The following TEK variants were observed in gnomAD, a reference collection of about 807,000 sequenced individuals.
TEK encodes TEK receptor tyrosine kinase, also known as angiopoietin-1 receptor.
TEK carries 43 observed loss-of-function variants against 131.8 expected under a neutral mutation model. The observed-to-expected ratio is 0.33, with a 90% confidence interval of 0.26 to 0.42. The LOEUF (loss-of-function observed/expected upper bound fraction) is 0.42, where lower values mean the gene tolerates loss of function less well. Among genes scored for constraint, TEK ranks in the 10% least tolerant of loss-of-function variants. The pLI is 1.00. For synonymous variants in TEK, 580 were observed against 491.6 expected (o/e 1.18, Z -2.38); for missense variants, 1,162 against 1,384.4 (o/e 0.84, Z 2.55).
intron 11 of TEK, among the ~76,000 whole-genome samples, chr9:27,195,975 C>A (rs757614294): frequency 6.6e-6 from 1 of 152,158 alleles, no homozygotes; most frequent in African/African-American, 2.4e-5. Context: ...GTAGTCATAG[C>A]GGATACCTTG....
chr9:27,121,225 G>C (rs1821772739), intron 1 of TEK, among the ~76,000 whole-genome samples: 1 of 152,174 alleles, frequency 6.6e-6, no homozygotes, highest in Non-Finnish European at 1.5e-5. Context: ...TACTTGGGAG[G>C]CTGAGGCAGA....
intron 9 of TEK, among the ~76,000 whole-genome samples, chr9:27,186,799 A>G (rs7853398): frequency 0.31 from 46,926 of 152,044 alleles, 7,478 homozygotes; most frequent in African/African-American, 0.38. Flanking sequence ...ACTTCTATAA[A>G]TGAAATGCTG....
intron 1 of TEK, among the ~76,000 whole-genome samples, chr9:27,117,086 C>T (rs1454242788): frequency 3.3e-5 from 5 of 151,460 alleles, no homozygotes; most frequent in East Asian, 2.0e-4. Flanking sequence ...AGGATGGTCT[C>T]GATCTCCTGA....
At chr9:27,224,651 C>A (rs1587055762) in intron 21 of TEK, among the ~76,000 whole-genome samples, 1 of 152,076 alleles carries the variant, frequency 6.6e-6, no homozygotes, top group South Asian at 2.1e-4. Context: ...GCCAGTATCA[C>A]ACTGAATGGA....
intron 1 of TEK, among the ~76,000 whole-genome samples, chr9:27,122,448 T>C (rs1314909153): frequency 5.3e-5 from 8 of 152,072 alleles, no homozygotes; most frequent in Non-Finnish European, 1.0e-4. Flanking sequence ...TAAGAGACTT[T>C]TATGCAGTGG....
At chr9:27,163,594 T>C (rs1452015558) in intron 2 of TEK, among the ~76,000 whole-genome samples, 1 of 152,242 alleles carries the variant, frequency 6.6e-6, no homozygotes, top group African/African-American at 2.4e-5. Context: ...GAGCTAAGGA[T>C]GTGGACCTGG....
In TEK at chr9:27,180,256, T is replaced by C. The variant is rs759247392; in HGVS notation, c.918T>C (p.Phe306=). Residue 306 remains phenylalanine, a synonymous_variant, in exon 7 of 23, where the codon TTT becomes TTC. Transcript: ENST00000380036. ...LQCNEACHPG[F]YGPDCKLRCS... is the part of the protein sequence containing the mutation. Reference sequence around the variant, plus strand: ...TGTTTACAGCATGCCACCCTGGTTTTTACGGGCCAGATTGTAAGCTTAGGT... The same window carrying C: ...TGTTTACAGCATGCCACCCTGGTTTCTACGGGCCAGATTGTAAGCTTAGGT... The C allele has an allele frequency of 5.0e-6, 8 of 1,613,766 alleles. No individual in the cohort carries two copies. Among genetic ancestry groups the C allele is most frequent in the Non-Finnish European group, 6.8e-6 (8 of 1,179,852 alleles).
intron 1 of TEK, among the ~76,000 whole-genome samples, chr9:27,125,447 C>T (rs1291666717): frequency 6.6e-6 from 1 of 152,200 alleles, no homozygotes; most frequent in Admixed American, 6.5e-5. Context: ...AGACTAGCTT[C>T]TATTAGAGGC....
At chr9:27,145,829 T>G (rs1207953682) in intron 1 of TEK, among the ~76,000 whole-genome samples, 1 of 152,200 alleles carries the variant, frequency 6.6e-6, no homozygotes, top group Non-Finnish European at 1.5e-5. Context: ...ATGTCAATAT[T>G]TAATTAGAAC....
intron 12 of TEK, among the ~76,000 whole-genome samples, chr9:27,202,315 G>A (rs1259210498): frequency 6.6e-6 from 1 of 152,174 alleles, no homozygotes; most frequent in Admixed American, 6.5e-5. Context: ...ATGACACTAA[G>A]ACTATGGACT....
intron 2 of TEK, among the ~76,000 whole-genome samples, chr9:27,165,656 T>C (rs1823702360): frequency 1.3e-5 from 2 of 152,320 alleles, no homozygotes; most frequent in South Asian, 4.1e-4. Flanking sequence ...ATCATTACTT[T>C]TCAATTACAC....
At chr9:27,211,463 TAGATA>T (rs1369357299) in intron 16 of TEK, among the ~76,000 whole-genome samples, 2 of 15,782 alleles carry the variant, frequency 1.3e-4, no homozygotes, top group African/African-American at 4.4e-4. Context: ...TTGAGATAGA[TAGATA>T]GATAGATAGG....
chr9:27,153,349 C>G (rs184468277), intron 1 of TEK, among the ~76,000 whole-genome samples: 1 of 152,290 alleles, frequency 6.6e-6, no homozygotes, highest in East Asian at 1.9e-4. Flanking sequence ...ACTCGAGAGG[C>G]TGAGGCAGGA....
At chr9:27,119,609 CGGGTGG>C (rs1587477172) in intron 1 of TEK, among the ~76,000 whole-genome samples, 9 of 15,052 alleles carry the variant, frequency 6.0e-4, no homozygotes, top group East Asian at 0.021. Flanking sequence ...TGTGGAGAGT[CGGGTGG>C]AGAGTCGGGT....
intron 13 of TEK, among the ~76,000 whole-genome samples, chr9:27,204,415 G>A (rs1825329638): frequency 1.3e-5 from 2 of 150,004 alleles, no homozygotes; most frequent in South Asian, 4.2e-4. Context: ...TCTTCTATTG[G>A]GTATCATTAG....
intron 15 of TEK, among the ~76,000 whole-genome samples, chr9:27,208,669 A>G (rs1464492371): frequency 2.0e-5 from 3 of 152,218 alleles, no homozygotes; most frequent in Non-Finnish European, 4.4e-5. Flanking sequence ...CTTTGGTTCT[A>G]TTCCTCAGTT....
At chr9:27,185,779 T>C (rs1587567648) in intron 9 of TEK, 150 bp downstream of exon 9, 6 of 1,093,664 alleles carry the variant, frequency 5.5e-6, no homozygotes, top group Middle Eastern at 5.7e-4. Context: ...TGCATGAAAC[T>C]AGAGTGAAGA....
chr9:27,115,335 C>CA (rs1232898854), intron 1 of TEK, among the ~76,000 whole-genome samples: 2 of 151,924 alleles, frequency 1.3e-5, no homozygotes, highest in African/African-American at 4.8e-5. Flanking sequence ...CCCATCTCTA[C>CA]AAAAAATACA....
At chr9:27,179,352 T>A (rs950397690) in intron 6 of TEK, among the ~76,000 whole-genome samples, 2 of 152,232 alleles carry the variant, frequency 1.3e-5, no homozygotes, top group Non-Finnish European at 1.5e-5. Context: ...GCATTTGTTA[T>A]GAACATATCT....
Sources: gnomAD v4.1 joint callset for allele counts (sites outside exome capture counted in the v4.1 genomes callset) on GRCh38, gnomAD v4.1.1 for gene constraint, MANE v1.5 for transcripts, NCBI Gene and HGNC (gene_info 2026-07-23, HGNC 2026-07-21) for gene names.